Variants in PSAT1 observed in about 807,000 individuals in gnomAD.
PSAT1 encodes phosphoserine aminotransferase.
Under a neutral mutation model 40.3 loss-of-function variants are expected in PSAT1, and 41 were observed. That is an observed-to-expected ratio of 1.02 (90% CI 0.79 to 1.32). The LOEUF is 1.32. Among genes scored for constraint, PSAT1 ranks in the 40% most tolerant of loss-of-function variants. The pLI is 0.00. For missense variants in PSAT1, 406 were observed against 455.8 expected (o/e 0.89, Z 0.99); for synonymous variants, 147 against 170.5 (o/e 0.86, Z 1.07).
chr9:78,320,094 C>G (rs1828404680), intron 7 of PSAT1, among the ~76,000 whole-genome samples: 1 of 151,212 alleles, frequency 6.6e-6, no homozygotes, highest in African/African-American at 2.4e-5. Context: ...CATCTACCAC[C>G]TGCCTACCTA....
At chr9:78,297,904 C>G (rs946612739) in intron 1 of PSAT1, among the ~76,000 whole-genome samples, 1 of 152,152 alleles carries the variant, frequency 6.6e-6, no homozygotes, top group Non-Finnish European at 1.5e-5. Context: ...AACCTTCAGT[C>G]CAGCTTTCCC....
chr9:78,303,798 A>G (rs1462013733), intron 3 of PSAT1, among the ~76,000 whole-genome samples: 3 of 152,040 alleles, frequency 2.0e-5, no homozygotes, highest in African/African-American at 7.2e-5. Context: ...TTACCTCTGT[A>G]TCTTTGCTGG....
At chr9:78,317,460 A>T (rs969923275) in intron 6 of PSAT1, among the ~76,000 whole-genome samples, 1 of 152,192 alleles carries the variant, frequency 6.6e-6, no homozygotes, top group African/African-American at 2.4e-5. Flanking sequence ...TATGTTGCCT[A>T]GGCTGCTTTC....
At chr9:78,317,920 G>T in intron 7 of PSAT1, 116 bp downstream of exon 7, 1 of 1,256,952 alleles carries the variant, frequency 8.0e-7, no homozygotes, top group Non-Finnish European at 1.1e-6. Flanking sequence ...TAAAATACTG[G>T]TGAGTGTGTG....
chr9:78,322,275 G>A (rs1476509023), intron 7 of PSAT1, among the ~76,000 whole-genome samples: 2 of 152,112 alleles, frequency 1.3e-5, no homozygotes, highest in Non-Finnish European at 2.9e-5. Context: ...GTCTAGCGAA[G>A]ACCCTAAAAT....
In PSAT1 at chr9:78,304,826, G is replaced by A. The variant is rs2118637445; in HGVS notation, c.283G>A (p.Ala95Thr). ...CCCCTTAAACCTCATTGGCTTGAAAGCAGGAAGGTGTGCTGACTATGTGGT... is the reference window on the plus strand; with the variant it reads ...CCCCTTAAACCTCATTGGCTTGAAAACAGGAAGGTGTGCTGACTATGTGGT... ...AVPLNLIGLK[A>T]GRCADYVVTG... Residue 95 changes from alanine to threonine, a missense_variant, in exon 4 of 9, where the codon GCA (alanine) becomes ACA (threonine). Transcript: ENST00000376588. The A allele has an allele frequency of 6.2e-7, 1 of 1,614,220 alleles. No homozygotes were observed. Among genetic ancestry groups the A allele is most frequent in the Non-Finnish European group, 8.5e-7 (1 of 1,180,042 alleles).
chr9:78,297,388 C>CAGG, intron 1 of PSAT1, 118 bp downstream of exon 1: 1 of 1,206,016 alleles, frequency 8.3e-7, no homozygotes, highest in Non-Finnish European at 1.2e-6. Flanking sequence ...GTCCCCTAGG[C>CAGG]GCTTTGCATC....
rs1434645721 is a variant in PSAT1 at position 78,308,554 on chromosome 9, C to T, written c.711C>T (p.Ser237=). 5 of 1,613,952 alleles carry T rather than the reference C, an allele frequency of 3.1e-6. No individual in the cohort carries two copies. The highest frequency in any genetic ancestry group is 2.2e-5 in the East Asian group (1 of 44,884). ...VLEYKVQAGN[S]SLYNTPPCFS... is the part of the protein sequence containing the mutation. ...AATACAAGGTGCAGGCTGGAAACAG[C>T]TCCTTGTACAACACGCCTCCATGTT... is the stretch of plus-strand genomic sequence containing the variant. Residue 237 remains serine, a synonymous_variant, in exon 6 of 9, where the codon AGC becomes AGT. Transcript: ENST00000376588.
rs560331637 is a variant in PSAT1 at position 78,324,551 on chromosome 9, A to G, written c.870-3500A>G. ...ACCTCTGAAATTTGGTGTTAACTCC[A>G]GGGATTGATTGCTCACTGGGGAGCA... On this transcript the variant is annotated intron_variant, in intron 7 of 8. Coordinates refer to ENST00000376588, the MANE Select transcript of PSAT1 (RefSeq NM_058179.4). 3.9e-5 allele frequency among the ~76,000 whole-genome samples: 6 copies of G among 152,282 alleles called. No homozygotes were observed. The South Asian group carries it at 1.2e-3, about 32-fold the overall frequency.
chr9:78,303,086 C>T (rs1009387140), intron 3 of PSAT1, among the ~76,000 whole-genome samples: 2 of 152,210 alleles, frequency 1.3e-5, no homozygotes, highest in South Asian at 2.1e-4. Context: ...TAGCTCACAA[C>T]TAAACTGAAA....
intron 6 of PSAT1, among the ~76,000 whole-genome samples, chr9:78,314,007 T>C (rs1248672629): frequency 5.9e-5 from 9 of 152,210 alleles, no homozygotes; most frequent in Admixed American, 5.9e-4. Context: ...ATTTATTTAA[T>C]CATTTAATAG....
intron 5 of PSAT1, among the ~76,000 whole-genome samples, chr9:78,307,893 C>T (rs952776930): frequency 2.6e-5 from 4 of 151,922 alleles, no homozygotes; most frequent in Admixed American, 6.6e-5. Context: ...TACAAAAATT[C>T]ACTGGGCATG....
At chr9:78,303,725 A>G (rs1423340672) in intron 3 of PSAT1, among the ~76,000 whole-genome samples, 2 of 152,118 alleles carry the variant, frequency 1.3e-5, no homozygotes, top group East Asian at 1.9e-4. Context: ...TCAGGACAAG[A>G]TATTTACACT....
chr9:78,311,789 G>A (rs779945930), intron 6 of PSAT1, among the ~76,000 whole-genome samples: 1 of 152,020 alleles, frequency 6.6e-6, no homozygotes, highest in East Asian at 1.9e-4. Flanking sequence ...CCGAAATCAC[G>A]CCAGTGCACT....
chr9:78,298,413 C>T (rs1435883820), intron 1 of PSAT1: 1 of 985,226 alleles, frequency 1.0e-6, no homozygotes, highest in African/African-American at 1.7e-5. Context: ...AACAGAGAAT[C>T]CAATTTTAAA....
intron 4 of PSAT1, among the ~76,000 whole-genome samples, chr9:78,306,043 A>G (rs2118642120): frequency 6.6e-6 from 1 of 152,290 alleles, no homozygotes; most frequent in South Asian, 2.1e-4. Context: ...GACTATGGGC[A>G]CATACCACCA....
chr9:78,305,052 A>T, intron 4 of PSAT1, 112 bp downstream of exon 4: 2 of 962,122 alleles, frequency 2.1e-6, no homozygotes, highest in Non-Finnish European at 3.2e-6. Flanking sequence ...TTAGTTCATT[A>T]CCATTTAGAT....
chr9:78,319,930 A>G (rs1052875283), intron 7 of PSAT1, among the ~76,000 whole-genome samples: 1 of 152,008 alleles, frequency 6.6e-6, no homozygotes, highest in Non-Finnish European at 1.5e-5. Context: ...TTATTCATTC[A>G]TTCATCTACT....
chr9:78,312,414 G>A (rs1390830430), intron 6 of PSAT1, among the ~76,000 whole-genome samples: 1 of 152,158 alleles, frequency 6.6e-6, no homozygotes, highest in Non-Finnish European at 1.5e-5. Context: ...AATGAGAACA[G>A]GCCAGGCGCA....
Sources: gnomAD v4.1 joint callset for allele counts (sites outside exome capture counted in the v4.1 genomes callset) on GRCh38, gnomAD v4.1.1 for gene constraint, MANE v1.5 for transcripts, NCBI Gene and HGNC (gene_info 2026-07-23, HGNC 2026-07-21) for gene names.